Variants in PARD3B observed in about 807,000 individuals in gnomAD.
The protein encoded by PARD3B is partitioning defective 3 homolog B.
In PARD3B, 103 loss-of-function variants were observed where a neutral mutation model predicts 130.2. The observed-to-expected ratio is 0.79, with a 90% confidence interval of 0.67 to 0.93. The LOEUF is 0.93. PARD3B is among the 40% of genes least tolerant of loss of function. The pLI is 0.00. For synonymous variants in PARD3B, 583 were observed against 553.2 expected, an observed-to-expected ratio of 1.05 and a Z score of -0.76; for missense variants, 1,609 against 1,499.2, an observed-to-expected ratio of 1.07 and a Z score of -1.21.
Position 205,248,280 on chromosome 2 carries a change from T to G in PARD3B, c.2185+2458T>G, listed in dbSNP as rs188419251. Among the ~76,000 whole-genome samples the G allele has an allele frequency of 6.0e-3, 910 of 151,646 alleles. 9 individuals carry two copies. The highest frequency in any genetic ancestry group is 0.021 in the African/African-American group (865 of 41,290). ...TTTTACATTTCTTTCTTTTGGAAAA[T>G]TAGTCTTGAATTATAATGATCCTCA... On this transcript the variant is annotated intron_variant, in intron 16 of 22. Coordinates refer to ENST00000406610, the MANE Select transcript of PARD3B (RefSeq NM_001302769.2).
rs926060174 is a variant in PARD3B, at chr2:204,906,038, C to T, written c.223-59114C>T. ...AACAGGACAACAAGGGTAGTTGTAG[C>T]CATTACTTTATTTTGGGCTAGAGTA... On this transcript the variant is annotated intron_variant, in intron 2 of 22. Transcript: ENST00000406610. This position sits in a 1 kb window ranked among gnomAD's most constrained non-coding sequence, Gnocchi z 4.3. Among the ~76,000 whole-genome samples the T allele has an allele frequency of 6.6e-6, 1 of 152,072 alleles. No individual in the cohort carries two copies. The highest frequency in any genetic ancestry group is 1.5e-5 in the Non-Finnish European group (1 of 68,018).
intron 4 of PARD3B, among the ~76,000 whole-genome samples, chr2:205,049,049 A>G (rs1291824158): frequency 1.3e-5 from 2 of 152,198 alleles, no homozygotes; most frequent in East Asian, 1.9e-4. Flanking sequence ...AGAATTACAT[A>G]AAAGAGCAGA....
intron 2 of PARD3B, among the ~76,000 whole-genome samples, chr2:204,787,852 G>A (rs1259379129): frequency 6.6e-6 from 1 of 152,142 alleles, no homozygotes; most frequent in African/African-American, 2.4e-5. Flanking sequence ...TAGACCTTGG[G>A]TGGGTTGTCC....
At chr2:205,381,349 T>C (rs753087855) in intron 18 of PARD3B, among the ~76,000 whole-genome samples, 17 of 150,302 alleles carry the variant, frequency 1.1e-4, no homozygotes, top group South Asian at 2.1e-4. Flanking sequence ...GCTGCTCATA[T>C]TTGCATTTCT....
At chr2:205,067,224 CA>C (rs1700449784) in intron 4 of PARD3B, among the ~76,000 whole-genome samples, 1 of 149,106 alleles carries the variant, frequency 6.7e-6, no homozygotes, top group African/African-American at 2.5e-5. Context: ...TGCAATGCTG[CA>C]ATCCTAGCTC....
intron 15 of PARD3B, among the ~76,000 whole-genome samples, chr2:205,202,895 C>A (rs2037068759): frequency 6.6e-6 from 1 of 152,050 alleles, no homozygotes; most frequent in Non-Finnish European, 1.5e-5. Flanking sequence ...TAAGTAAATT[C>A]TCCTAAAGTT....
chr2:205,168,819 TC>T (rs1249928138), intron 11 of PARD3B, among the ~76,000 whole-genome samples: 1 of 152,202 alleles, frequency 6.6e-6, no homozygotes, highest in Non-Finnish European at 1.5e-5. Flanking sequence ...GTCTTTTTTT[TC>T]TTGAAGCATT....
At chr2:204,630,943 T>C (rs1187010117) in intron 1 of PARD3B, among the ~76,000 whole-genome samples, 1 of 152,146 alleles carries the variant, frequency 6.6e-6, no homozygotes, top group Non-Finnish European at 1.5e-5. Context: ...AAGGGTTTTT[T>C]ATGTCTCTGT....
intron 1 of PARD3B, among the ~76,000 whole-genome samples, chr2:204,565,340 C>A (rs2031607575): frequency 6.6e-6 from 1 of 152,110 alleles, no homozygotes; most frequent in Non-Finnish European, 1.5e-5. Context: ...AGGTTCATTG[C>A]AATGTTGAAT....
intron 18 of PARD3B, among the ~76,000 whole-genome samples, chr2:205,374,074 A>G (rs1368050634): frequency 3.3e-5 from 5 of 152,130 alleles, no homozygotes; most frequent in Non-Finnish European, 1.5e-5. Flanking sequence ...TGAGAAAGCC[A>G]GGAGGCTGAA....
At chr2:204,824,905 A>G (rs960540114) in intron 2 of PARD3B, among the ~76,000 whole-genome samples, 132 of 152,318 alleles carry the variant, frequency 8.7e-4, no homozygotes, top group African/African-American at 2.9e-3. Context: ...CAAAGGAGTG[A>G]GCCACCATCA....
At chr2:205,153,746 T>C (rs1199707243) in intron 10 of PARD3B, among the ~76,000 whole-genome samples, 1 of 152,046 alleles carries the variant, frequency 6.6e-6, no homozygotes, top group Non-Finnish European at 1.5e-5. Flanking sequence ...ATACCATACA[T>C]CCGTAACCAT....
rs73066666 is a variant in PARD3B at position 204,821,921 on chromosome 2, C to A, written c.222+135639C>A. ...TCTTTATCAGCAGCGTGAAAACAAA[C>A]TAATGCACTAACATAACATCTATTC... On this transcript the variant is annotated intron_variant, in intron 2 of 22. Transcript: ENST00000406610. 3.6e-3 allele frequency among the ~76,000 whole-genome samples: 540 copies of A among 151,966 alleles called. 2 individuals are homozygous for A. The highest frequency in any genetic ancestry group is 0.012 in the African/African-American group (498 of 41,294).
At chr2:205,356,375 A>G (rs1261022040) in intron 18 of PARD3B, among the ~76,000 whole-genome samples, 1 of 152,118 alleles carries the variant, frequency 6.6e-6, no homozygotes, top group Non-Finnish European at 1.5e-5. Context: ...TATTTGAGAC[A>G]GAGTCTTGCT....
rs561649430 is a variant in PARD3B at position 205,468,894 on chromosome 2, T to TGAGGAGAC, written c.3044+28223_3044+28230dup. ...AAGCCCTTCCGTCCTCCCAATTTTC[T>TGAGGAGAC]GAGGAGACCAACCTTAGCTGCATGA... On this transcript the variant is annotated intron_variant, in intron 20 of 22. Coordinates refer to ENST00000406610, the MANE Select transcript of PARD3B (RefSeq NM_001302769.2). 4.0e-3 allele frequency among the ~76,000 whole-genome samples: 608 copies of TGAGGAGAC among 152,290 alleles called. 3 individuals carry two copies. Among genetic ancestry groups the TGAGGAGAC allele is most frequent in the Middle Eastern group, 6.9e-3 (2 of 290 alleles).
chr2:205,499,341 T>G (rs1456935047), intron 20 of PARD3B, among the ~76,000 whole-genome samples: 2 of 151,620 alleles, frequency 1.3e-5, no homozygotes, highest in Non-Finnish European at 2.9e-5. Context: ...ACTTTCTTAC[T>G]GTTTTGTTTT....
In PARD3B at chr2:205,301,724, A is replaced by C. The variant is rs1174687431; in HGVS notation, c.2630+23A>C. On this transcript the variant is annotated intron_variant, in intron 18 of 22. Coordinates refer to ENST00000406610, the MANE Select transcript of PARD3B (RefSeq NM_001302769.2). This position sits in a 1 kb window ranked among gnomAD's most constrained non-coding sequence, Gnocchi z 5.2. The stretch of plus-strand genomic sequence containing the variant: ...GAGGTATGGGCCTGCTTTGAAGGCA[A>C]AGTTGGTTCTCATTTTGTCTCTCCT... 6.2e-7 allele frequency: 1 copy of C among 1,613,872 alleles called. No individual in the cohort carries two copies. Among genetic ancestry groups the C allele is most frequent in the Non-Finnish European group, 8.5e-7 (1 of 1,179,852 alleles).
At chr2:204,953,973 C>T (rs539898072) in intron 2 of PARD3B, among the ~76,000 whole-genome samples, 22 of 152,260 alleles carry the variant, frequency 1.4e-4, no homozygotes, top group Admixed American at 1.2e-3. Flanking sequence ...AGAGGTGCCA[C>T]ACCACTTATG....
At chr2:204,649,616 C>T (rs2035409532) in intron 1 of PARD3B, among the ~76,000 whole-genome samples, 1 of 151,786 alleles carries the variant, frequency 6.6e-6, no homozygotes, top group Non-Finnish European at 1.5e-5. Context: ...GGCTGCACAC[C>T]TACAATTATG....
Sources: allele counts gnomAD v4.1 joint callset (sites outside exome capture counted in the v4.1 genomes callset), GRCh38; gene constraint gnomAD v4.1.1; non-coding constraint Gnocchi (gnomAD v3.1); transcripts MANE v1.5; gene names NCBI Gene and HGNC (gene_info 2026-07-23, HGNC 2026-07-21).